Variants in SGCD observed in about 807,000 individuals in gnomAD.
The protein encoded by SGCD is delta-sarcoglycan.
Under a neutral mutation model 36.6 loss-of-function variants are expected in SGCD, and 18 were observed. The ratio of observed to expected loss-of-function variants is 0.49; its 90% CI spans 0.34 to 0.73. SGCD has a LOEUF of 0.73. Ranked by LOEUF, SGCD falls within the 30% of genes least tolerant of loss-of-function variation. The probability of loss-of-function intolerance (pLI) is 0.01; values close to 1 mark genes in which losing one functional copy is unlikely to be tolerated. For synonymous variants in SGCD, 133 were observed against 130.6 expected (o/e 1.02, Z -0.12); for missense variants, 387 against 346.7 (o/e 1.12, Z -0.92).
chr5:156,198,442 T>A (rs945178383), intron 3 of SGCD, among the ~76,000 whole-genome samples: 1 of 152,124 alleles, frequency 6.6e-6, no homozygotes, highest in East Asian at 1.9e-4. Context: ...ATTATCCCAA[T>A]AGTCTTATGA....
intron 1 of SGCD, among the ~76,000 whole-genome samples, chr5:156,102,984 T>C (rs1398279877): frequency 6.6e-6 from 1 of 152,194 alleles, no homozygotes; most frequent in Non-Finnish European, 1.5e-5. Context: ...GTATTTAGAT[T>C]TTAACAAGTA....
the SGCD span, among the ~76,000 whole-genome samples, chr5:155,745,608 GT>G: frequency 3.0e-4 from 44 of 146,226 alleles, no homozygotes; most frequent in South Asian, 4.3e-4. Context: ...AAACTGAAAA[GT>G]TTTTTTTTTT....
chr5:156,707,064 T>C (rs1166517377), intron 7 of SGCD, among the ~76,000 whole-genome samples: 1 of 152,174 alleles, frequency 6.6e-6, no homozygotes, highest in Non-Finnish European at 1.5e-5. Flanking sequence ...CACTTTTATA[T>C]CAAAATATTA....
intron 6 of SGCD, among the ~76,000 whole-genome samples, chr5:156,612,843 G>T (rs1331986669): frequency 1.3e-5 from 2 of 152,210 alleles, no homozygotes; most frequent in Non-Finnish European, 2.9e-5. Flanking sequence ...AGGTTGCACA[G>T]TGGAGAGTCC....
intron 3 of SGCD, among the ~76,000 whole-genome samples, chr5:156,402,142 AACATTTTGTTTATC>A (rs1264787735): frequency 1.3e-5 from 2 of 152,234 alleles, no homozygotes; most frequent in African/African-American, 4.8e-5. Flanking sequence ...ACGTAGACAC[AACATTTTGTTTATC>A]CTTTCATCTA....
At chr5:156,306,863 C>T (rs1767227680) in intron 3 of SGCD, among the ~76,000 whole-genome samples, 2 of 152,044 alleles carry the variant, frequency 1.3e-5, no homozygotes, top group East Asian at 1.9e-4. Context: ...TTTTAATAGG[C>T]TATTATTAGG....
intron 3 of SGCD, among the ~76,000 whole-genome samples, chr5:156,455,383 A>C (rs11135226): frequency 0.42 from 63,447 of 151,850 alleles, 13,418 homozygotes; most frequent in Middle Eastern, 0.65. Context: ...CCCTCCTGGG[A>C]TAATATCTTC....
chr5:156,133,759 A>G (rs1273853360), intron 3 of SGCD, among the ~76,000 whole-genome samples: 3 of 152,158 alleles, frequency 2.0e-5, no homozygotes, highest in Non-Finnish European at 4.4e-5. Flanking sequence ...AGTTACTGAA[A>G]AAAAGATCTG....
rs1757558085 is a variant in SGCD, at chr5:156,764,751, A to C, written c.*5361A>C. The C allele has an allele frequency of 6.6e-6, 1 of 152,200 alleles. No individual in the cohort carries two copies. Among genetic ancestry groups the C allele is most frequent in the African/African-American group, 2.4e-5 (1 of 41,446 alleles). The allele number at this position is 152,200 out of a possible 1,614,324, so 9.4% of individuals were successfully genotyped here. On this transcript the variant is annotated 3_prime_UTR_variant, in exon 9 of 9. Transcript: ENST00000337851. The stretch of plus-strand genomic sequence containing the variant: ...TGTCATGAGCCCTTGATGCAATAGT[A>C]AGTGTGATGTCATCATACAGTGTTA...
intron 6 of SGCD, among the ~76,000 whole-genome samples, chr5:156,619,167 A>G (rs897954924): frequency 3.3e-5 from 5 of 152,130 alleles, no homozygotes. Context: ...CTGGGACTAC[A>G]GGCACCTGCC....
chr5:156,174,832 G>T (rs986746603), intron 3 of SGCD, among the ~76,000 whole-genome samples: 1 of 152,144 alleles, frequency 6.6e-6, no homozygotes, highest in South Asian at 2.1e-4. Context: ...CATTGATAAT[G>T]GTTGAGGCTA....
intron 4 of SGCD, among the ~76,000 whole-genome samples, chr5:156,568,042 G>A (rs929067409): frequency 6.6e-6 from 1 of 152,106 alleles, no homozygotes; most frequent in Admixed American, 6.6e-5. Context: ...AATGATAGAA[G>A]AATTAAGTAA....
intron 7 of SGCD, among the ~76,000 whole-genome samples, chr5:156,726,379 T>C (rs1755773879): frequency 6.6e-6 from 1 of 152,186 alleles, no homozygotes; most frequent in Admixed American, 6.5e-5. Context: ...CTGGTTGTCA[T>C]CCCTCTGCGC....
At chr5:156,715,506 G>T (rs183256985) in intron 7 of SGCD, among the ~76,000 whole-genome samples, 1 of 152,118 alleles carries the variant, frequency 6.6e-6, no homozygotes, top group Non-Finnish European at 1.5e-5. Context: ...AATCCATGCC[G>T]CCATTTCATC....
intron 3 of SGCD, among the ~76,000 whole-genome samples, chr5:156,494,035 G>A (rs563579146): frequency 6.6e-6 from 1 of 152,200 alleles, no homozygotes; most frequent in Admixed American, 6.5e-5. Flanking sequence ...TGGCATGGCG[G>A]GGTGTCACTG....
intron 3 of SGCD, among the ~76,000 whole-genome samples, chr5:156,452,789 C>T (rs185384849): frequency 8.1e-4 from 123 of 152,120 alleles, no homozygotes; most frequent in Non-Finnish European, 1.4e-3. Context: ...AATGATGGCT[C>T]ATGTCAATAA....
intron 1 of SGCD, among the ~76,000 whole-genome samples, chr5:156,072,198 C>A (rs199906625): frequency 4.6e-5 from 7 of 152,112 alleles, no homozygotes; most frequent in African/African-American, 1.2e-4. Flanking sequence ...TATTTTGCTC[C>A]TTAGTTGATG....
chr5:155,896,510 A>G (rs1363314974), intron 1 of SGCD, among the ~76,000 whole-genome samples: 3 of 150,258 alleles, frequency 2.0e-5, no homozygotes, highest in Non-Finnish European at 4.4e-5. Context: ...GGCAGCCACG[A>G]TGATGTGCGC....
chr5:156,721,577 C>G (rs1264018137), intron 7 of SGCD, among the ~76,000 whole-genome samples: 2 of 152,048 alleles, frequency 1.3e-5, no homozygotes, highest in Non-Finnish European at 2.9e-5. Flanking sequence ...AGAAATTAGG[C>G]AGTAGTTGAA....
Sources: gnomAD v4.1 joint callset for allele counts (sites outside exome capture counted in the v4.1 genomes callset) on GRCh38, gnomAD v4.1.1 for gene constraint, MANE v1.5 for transcripts, NCBI Gene and HGNC (gene_info 2026-07-23, HGNC 2026-07-21) for gene names.